Variants in SETBP1 observed in about 807,000 individuals in gnomAD.
The protein encoded by SETBP1 is SET binding protein 1, also known as SET-binding protein.
In SETBP1, 9 loss-of-function variants were observed where a neutral mutation model predicts 101.0. The ratio of observed to expected loss-of-function variants is 0.09; its 90% CI spans 0.05 to 0.16. The LOEUF (loss-of-function observed/expected upper bound fraction) is 0.16. SETBP1 is among the 10% of genes least tolerant of loss of function. SETBP1 has a pLI of 1.00. For synonymous variants in SETBP1, 818 were observed against 788.5 expected, an observed-to-expected ratio of 1.04 and a Z score of -0.63; for missense variants, 1,858 against 2,033.8, an observed-to-expected ratio of 0.91 and a Z score of 1.66.
intron 2 of SETBP1, among the ~76,000 whole-genome samples, chr18:44,865,848 C>T (rs2069116712): frequency 6.6e-6 from 1 of 152,126 alleles, no homozygotes; most frequent in Non-Finnish European, 1.5e-5. Flanking sequence ...CAAGCCTTGC[C>T]TTTGGTTGTT....
At chr18:44,877,275 G>A in intron 3 of SETBP1, 1 of 658,728 alleles carries the variant, frequency 1.5e-6, no homozygotes, top group Non-Finnish European at 1.9e-6. Context: ...TTGTCTTATA[G>A]TATTTTACCA....
At chr18:44,909,560 G>A (rs1599308191) in intron 3 of SETBP1, among the ~76,000 whole-genome samples, 1 of 152,192 alleles carries the variant, frequency 6.6e-6, no homozygotes, top group Non-Finnish European at 1.5e-5. Context: ...AAAGCAGAAA[G>A]CAATCAAACC....
Position 45,063,177 on chromosome 18 carries a change from A to G in SETBP1, c.4270A>G (p.Lys1424Glu). The G allele has an allele frequency of 6.2e-7, 1 of 1,614,070 alleles. No homozygotes were observed. The highest frequency in any genetic ancestry group is 1.1e-5 in the South Asian group (1 of 91,060). ...MCNYTKILST[K>E]KNLDHVNKIL... ...CAACTACACCAAGATCCTGTCCACCAAGAAGAACCTGGACCACGTGAACAA... is the reference window on the plus strand; with the variant it reads ...CAACTACACCAAGATCCTGTCCACCGAGAAGAACCTGGACCACGTGAACAA... Residue 1424 changes from lysine (K) to glutamate (E), a missense_variant, in exon 6 of 6, where the codon AAG becomes GAG. Physicochemically the swap from Lys to Glu is moderately conservative, Grantham distance 56 (BLOSUM62 1). Transcript: ENST00000649279.
At chr18:44,941,831 C>T (rs1256565580) in intron 3 of SETBP1, among the ~76,000 whole-genome samples, 1 of 151,496 alleles carries the variant, frequency 6.6e-6, no homozygotes, top group Non-Finnish European at 1.5e-5. Context: ...TTAGTGTAGT[C>T]GTTGCGATCC....
At chr18:44,906,871 T>G (rs1053036308) in intron 3 of SETBP1, among the ~76,000 whole-genome samples, 3 of 152,232 alleles carry the variant, frequency 2.0e-5, no homozygotes, top group African/African-American at 7.2e-5. Flanking sequence ...TAAAAAGGTA[T>G]GACTACATGC....
At chr18:44,790,694 T>C (rs992484587) in intron 2 of SETBP1, among the ~76,000 whole-genome samples, 2 of 152,214 alleles carry the variant, frequency 1.3e-5, no homozygotes, top group African/African-American at 4.8e-5. Flanking sequence ...AATGCCTTGG[T>C]CTGACCCCCA....
At chr18:44,877,087 G>A (rs117553339) in intron 3 of SETBP1, 12,566 of 1,028,096 alleles carry the variant, frequency 0.012, 93 homozygotes, top group Non-Finnish European at 0.013. Context: ...AGCTTGCCTT[G>A]TATCAGCTAT....
At chr18:44,966,506 A>T (rs563834368) in intron 4 of SETBP1, among the ~76,000 whole-genome samples, 1 of 152,202 alleles carries the variant, frequency 6.6e-6, no homozygotes, top group East Asian at 1.9e-4. Context: ...ATATGGCCTT[A>T]TATTGTTTAC....
intron 2 of SETBP1, among the ~76,000 whole-genome samples, chr18:44,794,041 T>C (rs1026949855): frequency 1.3e-5 from 2 of 152,254 alleles, no homozygotes; most frequent in Non-Finnish European, 2.9e-5. Flanking sequence ...CTGTAACTAC[T>C]GTGACTGAAC....
Position 44,951,588 on chromosome 18 carries a change from A to T in SETBP1, c.2248A>T (p.Arg750Trp), listed in dbSNP as rs1725435071. ...ACCCAAAACAGCCATCAAGCACCCC[A>T]GGCCTGTTTCTAGCCAGCCGGATGT... Reference protein sequence around the residue: ...EEPKTAIKHPRPVSSQPDVPA... With the variant: ...EEPKTAIKHPWPVSSQPDVPA... Residue 750 changes from arginine (R) to tryptophan (W), a missense_variant, in exon 4 of 6, where the codon AGG (arginine) becomes TGG (tryptophan). Physicochemically the swap from Arg to Trp is moderately radical, Grantham distance 101. Around this residue, in one of 12 missense-constraint regions of SETBP1, gnomAD observed 121 missense variants for 138.0 expected, o/e 0.88. Transcript: ENST00000649279. This position sits in a 1 kb window ranked among gnomAD's most constrained non-coding sequence, Gnocchi z 7.8. 6.2e-7 allele frequency: 1 copy of T among 1,614,020 alleles called. No individual in the cohort carries two copies. Among genetic ancestry groups the T allele is most frequent in the African/African-American group, 1.3e-5 (1 of 74,928 alleles).
At chr18:44,973,589 T>TA (rs1229879970) in intron 4 of SETBP1, among the ~76,000 whole-genome samples, 4 of 152,178 alleles carry the variant, frequency 2.6e-5, no homozygotes, top group Non-Finnish European at 5.9e-5. Flanking sequence ...GAGTCATCAA[T>TA]GCTTCCTGGA....
At chr18:44,716,068 T>C (rs1348620329) in intron 2 of SETBP1, among the ~76,000 whole-genome samples, 1 of 152,202 alleles carries the variant, frequency 6.6e-6, no homozygotes, top group Non-Finnish European at 1.5e-5. Context: ...GAGTTGGCTT[T>C]CAGAAGATTT....
chr18:44,874,723 T>A (rs639964), intron 3 of SETBP1, among the ~76,000 whole-genome samples: 14 of 151,938 alleles, frequency 9.2e-5, no homozygotes, highest in African/African-American at 3.4e-4. Context: ...TCAAATGAAC[T>A]GTTACTCCAC....
chr18:44,950,203 G>A lies in SETBP1; in HGVS notation c.863G>A (p.Gly288Asp). 1 of 1,613,866 alleles carries A rather than the reference G, an allele frequency of 6.2e-7. No homozygotes were observed. Among genetic ancestry groups the A allele is most frequent in the Non-Finnish European group, 8.5e-7 (1 of 1,180,024 alleles). ...SNNNKDLLLG[G>D]VAPSPSSHSS... ...AATAACAAAGATCTGCTCTTGGGAG[G>A]TGTGGCTCCATCCCCAAGCAGCCAC... Residue 288 changes from glycine to aspartate, a missense_variant, in exon 4 of 6, where the codon GGT (glycine) becomes GAT (aspartate). This residue lies in a region of SETBP1 where 581 missense variants were observed against 535.1 expected (regional missense o/e 1.09). Transcript: ENST00000649279.
intron 5 of SETBP1, among the ~76,000 whole-genome samples, chr18:45,059,582 TGTGTC>T (rs2145580940): frequency 6.6e-6 from 1 of 152,324 alleles, no homozygotes; most frequent in South Asian, 2.1e-4. Context: ...TGAATCCCTG[TGTGTC>T]TTCTGTCCTC....
At chr18:44,888,028 C>G (rs771248453) in intron 3 of SETBP1, among the ~76,000 whole-genome samples, 10 of 152,104 alleles carry the variant, frequency 6.6e-5, no homozygotes, top group Non-Finnish European at 1.2e-4. Flanking sequence ...TTTCTGGGAT[C>G]AAATAAGGAA....
Position 44,768,425 on chromosome 18 carries a change from G to A in SETBP1, c.486+66593G>A, listed in dbSNP as rs1005831133. Among the ~76,000 whole-genome samples, 11 of 152,214 alleles carry A rather than the reference G, an allele frequency of 7.2e-5. 1 individual carries two copies. The highest frequency in any genetic ancestry group is 4.2e-4 in the South Asian group (2 of 4,818). On this transcript the variant is annotated intron_variant, in intron 2 of 5. Transcript: ENST00000649279. ...GTGGTATGTGTCTGGTATGTATGTCGTGTGTGGCAGAGCTTAGGATAAGGT... is the reference window on the plus strand; with the variant it reads ...GTGGTATGTGTCTGGTATGTATGTCATGTGTGGCAGAGCTTAGGATAAGGT...
chr18:44,986,992 CATT>C (rs1329850674), intron 4 of SETBP1: 2 of 151,656 alleles, frequency 1.3e-5, no homozygotes, highest in Admixed American at 1.3e-4. Context: ...CGTTTATTAT[CATT>C]ATTAAGTATT....
chr18:44,865,966 A>G (rs766279698), intron 2 of SETBP1, among the ~76,000 whole-genome samples: 1 of 152,206 alleles, frequency 6.6e-6, no homozygotes, highest in Non-Finnish European at 1.5e-5. Flanking sequence ...CATCCCTGAC[A>G]TTATATCCCT....
Sources: gnomAD v4.1 joint callset for allele counts (sites outside exome capture counted in the v4.1 genomes callset) on GRCh38, gnomAD v4.1.1 for gene constraint, gnomAD v4.1.1 regional missense constraint, Gnocchi (gnomAD v3.1) non-coding constraint, MANE v1.5 for transcripts, NCBI Gene and HGNC (gene_info 2026-07-23, HGNC 2026-07-21) for gene names.